The following CATSPERE variants were observed in gnomAD, a reference collection of about 807,000 sequenced individuals.
CATSPERE encodes the protein cation channel sperm-associated auxiliary subunit epsilon.
Under a neutral mutation model 114.1 loss-of-function variants are expected in CATSPERE, and 93 were observed. That is an observed-to-expected ratio of 0.81 (90% CI 0.69 to 0.97). CATSPERE has a LOEUF of 0.97. Ranked by LOEUF, CATSPERE falls within the 50% of genes least tolerant of loss-of-function variation. The pLI is 0.00. For synonymous variants in CATSPERE, 341 were observed against 384.1 expected (o/e 0.89, Z 1.31); for missense variants, 1,058 against 1,131.6 (o/e 0.93, Z 0.93).
intron 7 of CATSPERE, among the ~76,000 whole-genome samples, chr1:244,513,366 C>A (rs192277806): frequency 5.3e-5 from 8 of 152,262 alleles, no homozygotes; most frequent in Admixed American, 4.6e-4. Flanking sequence ...TATTCTCAGG[C>A]CCCTGAAAGG....
chr1:244,458,284 A>C (rs996027951), upstream of CATSPERE, among the ~76,000 whole-genome samples: 7 of 152,186 alleles, frequency 4.6e-5, no homozygotes, highest in African/African-American at 1.4e-4. Flanking sequence ...ATTATGGGAA[A>C]TTTCTATAAT....
At chr1:244,616,740 A>G (rs1262857275) in intron 19 of CATSPERE, among the ~76,000 whole-genome samples, 1 of 152,238 alleles carries the variant, frequency 6.6e-6, no homozygotes, top group African/African-American at 2.4e-5. Context: ...AACTTTTGGG[A>G]TCAAGTTTCC....
chr1:244,585,598 C>T (rs1666914031), intron 13 of CATSPERE, among the ~76,000 whole-genome samples: 1 of 152,212 alleles, frequency 6.6e-6, no homozygotes, highest in African/African-American at 2.4e-5. Context: ...GCTTAGCAAG[C>T]CATCAGCCTC....
rs747864387 is a variant in CATSPERE at position 244,462,354 on chromosome 1, C to T, written c.65+860C>T. ...TAAAGCAAGGATGAAAAGGTATTAT[C>T]GTTGTTATCTGGGACTAAATTAATA... On this transcript the variant is annotated intron_variant, in intron 1 of 21. Coordinates refer to ENST00000366534, the MANE Select transcript of CATSPERE (RefSeq NM_001130957.2). Among the ~76,000 whole-genome samples, 9 of 152,218 alleles carry T rather than the reference C, an allele frequency of 5.9e-5. No homozygotes were observed. In the South Asian group the frequency reaches 8.3e-4, roughly 14 times the overall value.
chr1:244,597,219 T>C (rs1321344852), intron 17 of CATSPERE, among the ~76,000 whole-genome samples: 3 of 152,186 alleles, frequency 2.0e-5, no homozygotes, highest in Non-Finnish European at 4.4e-5. Context: ...TTGACCCTAC[T>C]AGCCCTTCAG....
At chr1:244,530,853 T>C (rs1572597443) in intron 8 of CATSPERE, among the ~76,000 whole-genome samples, 1 of 152,316 alleles carries the variant, frequency 6.6e-6, no homozygotes. Context: ...TTTTTATATG[T>C]TGATTTTGTA....
At chr1:244,478,080 GTT>G in intron 4 of CATSPERE, 105 bp downstream of exon 4, 1 of 774,224 alleles carries the variant, frequency 1.3e-6, no homozygotes, top group Non-Finnish European at 2.1e-6. Flanking sequence ...AATTTAACCT[GTT>G]TTAAATAGTA....
intron 8 of CATSPERE, among the ~76,000 whole-genome samples, chr1:244,540,698 G>C (rs1227161205): frequency 1.4e-5 from 2 of 144,838 alleles, no homozygotes; most frequent in African/African-American, 5.0e-5. Context: ...GCATCGCCAA[G>C]TCAATCCTAA....
intron 20 of CATSPERE, among the ~76,000 whole-genome samples, chr1:244,625,150 T>C (rs1397540465): frequency 6.6e-6 from 1 of 151,840 alleles, no homozygotes; most frequent in African/African-American, 2.4e-5. Flanking sequence ...GGATTTACTA[T>C]CCATGGCAGC....
chr1:244,506,253 A>C (rs953279837), intron 7 of CATSPERE, among the ~76,000 whole-genome samples: 1 of 152,174 alleles, frequency 6.6e-6, no homozygotes, highest in African/African-American at 2.4e-5. Flanking sequence ...ATTCCATCAT[A>C]TATATATAAA....
At position 244,572,639 on chromosome 1, in the gene CATSPERE, C is replaced by T. The variant is rs773795312; in HGVS notation, c.1817C>T (p.Thr606Ile). ...FYFLDKGEAL[T>I]VWTQIVYPEN... ...TTTTTGGACAAGGGAGAGGCTCTGA[C>T]AGTTTGGACTCAGATCGTCTATCCA... Residue 606 changes from threonine to isoleucine, a missense_variant, in exon 11 of 22, where the codon ACA (threonine) becomes ATA (isoleucine). Coordinates refer to ENST00000366534, the MANE Select transcript of CATSPERE (RefSeq NM_001130957.2). The T allele has an allele frequency of 2.5e-6, 4 of 1,614,080 alleles. No homozygotes were observed. The highest frequency in any genetic ancestry group is 3.4e-6 in the Non-Finnish European group (4 of 1,179,954).
At chr1:244,529,962 T>A (rs887852134) in intron 8 of CATSPERE, among the ~76,000 whole-genome samples, 1 of 152,148 alleles carries the variant, frequency 6.6e-6, no homozygotes, top group African/African-American at 2.4e-5. Flanking sequence ...ATTTTTGTTT[T>A]TGAGACAAGA....
At chr1:244,556,618 A>G (rs921794019) in intron 9 of CATSPERE, among the ~76,000 whole-genome samples, 4 of 152,230 alleles carry the variant, frequency 2.6e-5, no homozygotes, top group Non-Finnish European at 4.4e-5. Flanking sequence ...GATCCAGACC[A>G]TATCGACCAA....
At chr1:244,465,951 T>C (rs1397811554) in intron 2 of CATSPERE, among the ~76,000 whole-genome samples, 2 of 152,234 alleles carry the variant, frequency 1.3e-5, no homozygotes, top group African/African-American at 2.4e-5. Flanking sequence ...TGCTCCCTTT[T>C]GGGCAGAGAG....
intron 4 of CATSPERE, among the ~76,000 whole-genome samples, chr1:244,479,028 CAA>C (rs1161485991): frequency 4.5e-3 from 216 of 47,494 alleles, no homozygotes; most frequent in Middle Eastern, 0.016. Context: ...AACTTCGTCT[CAA>C]AAAAAAAAAA....
chr1:244,540,560 A>G (rs201300379), intron 8 of CATSPERE, among the ~76,000 whole-genome samples: 140,601 of 141,664 alleles, frequency 0.99, 69,784 homozygotes, highest in Middle Eastern at 1. Context: ...AATCAATATC[A>G]TGAAAATGGC....
At chr1:244,530,984 C>T (rs764710422) in intron 8 of CATSPERE, among the ~76,000 whole-genome samples, 15 of 151,986 alleles carry the variant, frequency 9.9e-5, no homozygotes, top group Non-Finnish European at 1.8e-4. Context: ...AATCCCAGCA[C>T]TCTGGGAGGC....
upstream of CATSPERE, chr1:244,451,954 G>T (rs1184595748): frequency 2.6e-5 from 24 of 910,308 alleles, no homozygotes; most frequent in Middle Eastern, 3.5e-4. This position sits in a 1 kb window ranked among gnomAD's most constrained non-coding sequence, Gnocchi z 6.6. Context: ...CCGCCGGGCC[G>T]CCACCCTCCA....
chr1:244,462,079 A>C (rs1363903234), intron 1 of CATSPERE, among the ~76,000 whole-genome samples: 1 of 152,094 alleles, frequency 6.6e-6, no homozygotes, highest in East Asian at 1.9e-4. Context: ...GGCCTCCCAA[A>C]GTGCTGTAAT....
Sources: allele counts gnomAD v4.1 joint callset (sites outside exome capture counted in the v4.1 genomes callset), GRCh38; gene constraint gnomAD v4.1.1; non-coding constraint Gnocchi (gnomAD v3.1); transcripts MANE v1.5; gene names NCBI Gene and HGNC (gene_info 2026-07-23, HGNC 2026-07-21).